PDE2A: variants seen among roughly 807,000 people sequenced by gnomAD.
PDE2A encodes the protein phosphodiesterase 2A.
Under a neutral mutation model 133.6 loss-of-function variants are expected in PDE2A, and 53 were observed. The ratio of observed to expected loss-of-function variants is 0.40; its 90% confidence interval spans 0.32 to 0.50. The LOEUF (loss-of-function observed/expected upper bound fraction) is 0.50, where lower values mean the gene tolerates loss of function less well. Ranked by LOEUF, PDE2A falls within the 20% of genes least tolerant of loss-of-function variation. PDE2A has a pLI of 0.73. For synonymous variants in PDE2A, 491 were observed against 490.2 expected (o/e 1.00, Z -0.02); for missense variants, 796 against 1,232.4 (o/e 0.65, Z 5.30).
At chr11:72,599,122 G>T in intron 4 of PDE2A, 1 of 723,280 alleles carries the variant, frequency 1.4e-6, no homozygotes, top group Non-Finnish European at 1.7e-6. Flanking sequence ...TGGTCCTTGC[G>T]TTGCTGGTCA....
At chr11:72,625,949 G>A (rs1858039640) in intron 2 of PDE2A, among the ~76,000 whole-genome samples, 1 of 152,256 alleles carries the variant, frequency 6.6e-6, no homozygotes, top group African/African-American at 2.4e-5. Flanking sequence ...AGGCAGGACG[G>A]TGGGGGGTGG....
chr11:72,673,966 C>A (rs529308311), intron 1 of PDE2A, among the ~76,000 whole-genome samples, 171 bp downstream of exon 1: 1 of 152,192 alleles, frequency 6.6e-6, no homozygotes, highest in Admixed American at 6.5e-5. Context: ...AACCTGCCCC[C>A]ACCCCAGGCT....
intron 1 of PDE2A, among the ~76,000 whole-genome samples, chr11:72,673,847 C>T (rs540606378): frequency 7.2e-5 from 11 of 152,162 alleles, no homozygotes; most frequent in Non-Finnish European, 1.0e-4. Flanking sequence ...CTTGAAGAAC[C>T]GGTTCAGGTT....
At chr11:72,585,256 G>T in intron 16 of PDE2A, 115 bp downstream of exon 16, 1 of 858,752 alleles carries the variant, frequency 1.2e-6, no homozygotes, top group Non-Finnish European at 1.9e-6. Flanking sequence ...TCCCTCAAAA[G>T]GTGATGAAGT....
chr11:72,581,387 T>C lies in PDE2A; in HGVS notation c.2015A>G (p.Tyr672Cys), dbSNP rs1855720586. The change falls in exon 23 of 31, where the codon TAC becomes TGC. Residue 672 changes from tyrosine to cysteine, a missense_variant. Physicochemically the swap from Tyr to Cys is radical, Grantham distance 194 (BLOSUM62 -2). Coordinates refer to ENST00000334456, the MANE Select transcript of PDE2A (RefSeq NM_002599.5). ...GTAGTTGGTGAGCTCCAGGTTCTTG[T>C]AGAGCAGGTAGCAGAAGTGGGAGAC... ...FSVSHFCYLL[Y>C]KNLELTNYLE... 1.9e-6 allele frequency: 3 copies of C among 1,613,060 alleles called. No homozygotes were observed. The highest frequency in any genetic ancestry group is 2.5e-6 in the Non-Finnish European group (3 of 1,179,804).
At chr11:72,659,128 C>T (rs992548909) in intron 1 of PDE2A, among the ~76,000 whole-genome samples, 21 of 151,972 alleles carry the variant, frequency 1.4e-4, no homozygotes, top group Admixed American at 8.5e-4. Context: ...CCCAAGCCCA[C>T]GTGCTGGCAA....
rs117097841 is a variant in PDE2A at position 72,651,172 on chromosome 11, C to T, written c.72-8846G>A. 5.9e-5 allele frequency among the ~76,000 whole-genome samples: 9 copies of T among 152,272 alleles called. No individual in the cohort carries two copies. The East Asian group carries it at 7.7e-4, about 13-fold the overall frequency. On this transcript the variant is annotated intron_variant, in intron 1 of 30. Coordinates refer to ENST00000334456, the MANE Select transcript of PDE2A (RefSeq NM_002599.5). ...CTGTTTTTCTTACATTCTGTGAATGCGAGAACCTGGGGTCTTGAGAATGTA... is the reference window on the plus strand; with the variant it reads ...CTGTTTTTCTTACATTCTGTGAATGTGAGAACCTGGGGTCTTGAGAATGTA...
At chr11:72,615,571 G>T (rs944214794) in intron 2 of PDE2A, among the ~76,000 whole-genome samples, 1 of 152,094 alleles carries the variant, frequency 6.6e-6, no homozygotes, top group Non-Finnish European at 1.5e-5. Flanking sequence ...GATCAAGCGG[G>T]GCAGAGCCAG....
At chr11:72,615,373 GA>G (rs1365506004) in intron 2 of PDE2A, among the ~76,000 whole-genome samples, 1 of 152,234 alleles carries the variant, frequency 6.6e-6, no homozygotes, top group Non-Finnish European at 1.5e-5. Flanking sequence ...AAGAGGGAAA[GA>G]GCAGGAGAAG....
In PDE2A at chr11:72,643,865, C is replaced by G. The variant is rs185054367; in HGVS notation, c.72-1539G>C. 1.9e-4 allele frequency among the ~76,000 whole-genome samples: 29 copies of G among 152,318 alleles called. No individual in the cohort carries two copies. In the East Asian group the frequency reaches 5.2e-3, roughly 27 times the overall value. On this transcript the variant is annotated intron_variant, in intron 1 of 30. Transcript: ENST00000334456. Reference sequence around the variant, plus strand: ...CTCCCACCTTTCTTTCTGAGGCATGCTCTGGCATGCTCTCCCCCACTCACC... The same window carrying G: ...CTCCCACCTTTCTTTCTGAGGCATGGTCTGGCATGCTCTCCCCCACTCACC...
intron 4 of PDE2A, among the ~76,000 whole-genome samples, chr11:72,600,033 A>G (rs1467720379): frequency 6.6e-6 from 1 of 152,210 alleles, no homozygotes; most frequent in Non-Finnish European, 1.5e-5. Context: ...TGCAATTGTG[A>G]AGGCTTGGAG....
intron 23 of PDE2A, 119 bp from the exon 24 acceptor site, chr11:72,581,092 CA>C: frequency 1.3e-6 from 1 of 784,268 alleles, no homozygotes. Flanking sequence ...GAGGTTGGAA[CA>C]CCTGGGTTCC....
chr11:72,612,154 C>T (rs774630687), intron 2 of PDE2A, among the ~76,000 whole-genome samples: 2 of 152,162 alleles, frequency 1.3e-5, no homozygotes, highest in East Asian at 1.9e-4. Context: ...CATATTGCTA[C>T]GCACTCCTCT....
At chr11:72,612,700 G>T (rs1310055961) in intron 2 of PDE2A, among the ~76,000 whole-genome samples, 3 of 151,556 alleles carry the variant, frequency 2.0e-5, no homozygotes, top group Admixed American at 6.6e-5. Flanking sequence ...GTGGGTGGAT[G>T]GTGGGTGGAT....
Position 72,586,128 on chromosome 11 carries a change from G to T in PDE2A, c.1124C>A (p.Thr375Asn). 1 of 1,613,388 alleles carries T rather than the reference G, an allele frequency of 6.2e-7. No homozygotes were observed. The highest frequency in any genetic ancestry group is 8.5e-7 in the Non-Finnish European group (1 of 1,179,682). ...GAAGGCCAGGGTGCTGGTGAGCACG[G>T]TGCTGGTGTAGTGGAAGCAGTGCTG... ...VIQHCFHYTS[T>N]VLTSTLAFQK... The change falls in exon 14 of 31, where the codon ACC becomes AAC. Residue 375 changes from threonine (T) to asparagine (N), a missense_variant. Thr to Asn is a moderately conservative substitution (Grantham distance 65). Transcript: ENST00000334456.
Position 72,579,271 on chromosome 11 carries a change from TA to T in PDE2A, c.2356+12del. ...CCTCCCCAGCCCCAAGGACTGGGGC[TA>T]ACAGCAGTCACCCTCAGCCATCTTC... On this transcript the variant is annotated intron_variant, in intron 27 of 30. Coordinates refer to ENST00000334456, the MANE Select transcript of PDE2A (RefSeq NM_002599.5). 6.3e-7 allele frequency: 1 copy of T among 1,593,028 alleles called. No individual in the cohort carries two copies. The highest frequency in any genetic ancestry group is 8.6e-7 in the Non-Finnish European group (1 of 1,161,124).
chr11:72,589,817 G>A, intron 10 of PDE2A, 25 bp from the exon 11 acceptor site: 1 of 1,612,956 alleles, frequency 6.2e-7, no homozygotes, highest in South Asian at 1.1e-5. Context: ...GCAGGGGGCT[G>A]GTTAAAGGAA....
chr11:72,588,764 A>G lies in PDE2A; in HGVS notation c.1070+20T>C, dbSNP rs1696554456. On this transcript the variant is annotated intron_variant, in intron 13 of 30. Coordinates refer to ENST00000334456, the MANE Select transcript of PDE2A (RefSeq NM_002599.5). ...CTCTCAGTGACATCTCCTGATCTGC[A>G]TCATCCCACAAAGACTCACAAGTCT... The G allele has an allele frequency of 1.3e-6, 2 of 1,579,294 alleles. No individual in the cohort carries two copies. Among genetic ancestry groups the G allele is most frequent in the South Asian group, 1.1e-5 (1 of 87,034 alleles).
intron 20 of PDE2A, among the ~76,000 whole-genome samples, chr11:72,582,775 C>T (rs1465854607): frequency 6.6e-6 from 1 of 152,152 alleles, no homozygotes; most frequent in African/African-American, 2.4e-5. Flanking sequence ...GGTGACCACC[C>T]TTTATCTGTA....
Sources: gnomAD v4.1 joint callset for allele counts (sites outside exome capture counted in the v4.1 genomes callset) on GRCh38, gnomAD v4.1.1 for gene constraint, MANE v1.5 for transcripts, NCBI Gene and HGNC (gene_info 2026-07-23, HGNC 2026-07-21) for gene names.